The following GLRA1 variants were observed in gnomAD, a reference collection of about 807,000 sequenced individuals.
GLRA1 encodes glycine receptor alpha 1, also known as glycine receptor subunit alpha-1.
GLRA1 carries 37 observed loss-of-function variants against 48.3 expected under a neutral mutation model. That is an observed-to-expected ratio of 0.77 (90% confidence interval 0.59 to 1.01). The LOEUF is 1.01. Ranked by LOEUF, GLRA1 falls within the 50% of genes least tolerant of loss-of-function variation. The probability of loss-of-function intolerance (pLI) is 0.00; values close to 1 mark genes in which losing one functional copy is unlikely to be tolerated. For missense variants in GLRA1, 427 were observed against 571.0 expected (o/e 0.75, Z 2.57); for synonymous variants, 196 against 210.7 (o/e 0.93, Z 0.60).
intron 3 of GLRA1, among the ~76,000 whole-genome samples, chr5:151,881,830 G>T (rs1753771706): frequency 6.6e-6 from 1 of 152,156 alleles, no homozygotes; most frequent in Non-Finnish European, 1.5e-5. Flanking sequence ...GCCAGGTCCT[G>T]GGAGGTAGGC....
At chr5:151,890,328 C>A (rs1754031684) in intron 2 of GLRA1, among the ~76,000 whole-genome samples, 1 of 152,130 alleles carries the variant, frequency 6.6e-6, no homozygotes, top group Non-Finnish European at 1.5e-5. Flanking sequence ...CACATAAACC[C>A]TGGATGCACC....
intron 1 of GLRA1, among the ~76,000 whole-genome samples, chr5:151,914,353 T>G (rs1754688428): frequency 6.6e-6 from 1 of 152,200 alleles, no homozygotes; most frequent in Non-Finnish European, 1.5e-5. Context: ...TGTGGTTTTC[T>G]GGCTTAGAGA....
intron 2 of GLRA1, among the ~76,000 whole-genome samples, chr5:151,888,390 C>A (rs1466000057): frequency 6.6e-6 from 1 of 152,180 alleles, no homozygotes; most frequent in Non-Finnish European, 1.5e-5. Flanking sequence ...CTCGGCCATG[C>A]CTTTTCTCTG....
At chr5:151,882,459 A>G (rs2113398953) in intron 3 of GLRA1, among the ~76,000 whole-genome samples, 1 of 152,354 alleles carries the variant, frequency 6.6e-6, no homozygotes, top group East Asian at 1.9e-4. Context: ...TCTTGTTATT[A>G]TACTAATAGC....
intron 1 of GLRA1, among the ~76,000 whole-genome samples, chr5:151,920,900 A>G (rs529832704): frequency 6.6e-6 from 1 of 152,328 alleles, no homozygotes; most frequent in South Asian, 2.1e-4. Flanking sequence ...GAGAAGCCAC[A>G]GGGGCCACCT....
At chr5:151,859,244 CA>C (rs1753129665) in intron 4 of GLRA1, among the ~76,000 whole-genome samples, 1 of 152,120 alleles carries the variant, frequency 6.6e-6, no homozygotes, top group Admixed American at 6.6e-5. Context: ...GGAGGGGTGG[CA>C]GTAGACTCTG....
intron 4 of GLRA1, among the ~76,000 whole-genome samples, chr5:151,858,775 A>G (rs1319923982): frequency 2.1e-5 from 1 of 48,332 alleles, no homozygotes; most frequent in African/African-American, 1.1e-4. Context: ...ACCCAAAGGA[A>G]AAAAAAAACG....
At chr5:151,912,379 C>G (rs979101944) in intron 1 of GLRA1, among the ~76,000 whole-genome samples, 3 of 147,128 alleles carry the variant, frequency 2.0e-5, no homozygotes, top group African/African-American at 7.5e-5. Context: ...TTTTCCTTGT[C>G]TTATGGAAGG....
chr5:151,871,868 G>C (rs1753495946), intron 3 of GLRA1, among the ~76,000 whole-genome samples: 1 of 149,810 alleles, frequency 6.7e-6, no homozygotes. Context: ...CCGGCCGTGA[G>C]ACGATTTTTA....
At chr5:151,915,955 C>T (rs1168054707) in intron 1 of GLRA1, among the ~76,000 whole-genome samples, 2 of 152,130 alleles carry the variant, frequency 1.3e-5, no homozygotes, top group Non-Finnish European at 2.9e-5. Context: ...GAAAAATTTC[C>T]AGCTCTTTTT....
At chr5:151,919,955 G>A (rs1416968746) in intron 1 of GLRA1, among the ~76,000 whole-genome samples, 2 of 152,238 alleles carry the variant, frequency 1.3e-5, no homozygotes, top group Non-Finnish European at 2.9e-5. Context: ...GTCGCAGGAC[G>A]CGCGAACAGG....
intron 8 of GLRA1, 26 bp from the exon 9 acceptor site, chr5:151,822,989 TAC>T: frequency 6.4e-7 from 1 of 1,568,568 alleles, no homozygotes; most frequent in Non-Finnish European, 8.6e-7. Context: ...CATGGGGCTC[TAC>T]TTAAAATAAG....
intron 1 of GLRA1, among the ~76,000 whole-genome samples, chr5:151,902,796 A>T (rs1249134220): frequency 1.3e-5 from 2 of 152,194 alleles, no homozygotes; most frequent in Non-Finnish European, 2.9e-5. Flanking sequence ...TTAATCCTCA[A>T]AATAACCCTT....
In GLRA1 at chr5:151,851,455, G is replaced by A; in HGVS notation, c.847C>T (p.Leu283=). The part of the protein sequence containing the change: ...NMDAAPARVG[L]GITTVLTMTT... ...ATGGTGAGCACAGTGGTGATGCCTA[G>A]GCCCACACGAGCAGGTGCAGCATCC... The change falls in exon 7 of 9, where the codon CTA becomes TTA. Residue 283 remains leucine, a synonymous_variant. Transcript: ENST00000274576. The A allele has an allele frequency of 6.2e-7, 1 of 1,614,042 alleles. No individual in the cohort carries two copies. Among genetic ancestry groups the A allele is most frequent in the Non-Finnish European group, 8.5e-7 (1 of 1,179,958 alleles).
At chr5:151,890,890 G>T (rs1415545217) in intron 2 of GLRA1, among the ~76,000 whole-genome samples, 1 of 150,306 alleles carries the variant, frequency 6.7e-6, no homozygotes, top group Non-Finnish European at 1.5e-5. Context: ...CAAGGTGCAG[G>T]GGGAGTGAAG....
intron 5 of GLRA1, 124 bp from the exon 6 acceptor site, chr5:151,855,301 G>C: frequency 9.4e-6 from 9 of 956,438 alleles, no homozygotes; most frequent in Non-Finnish European, 1.3e-5. Flanking sequence ...GTGAGACCAG[G>C]TTCCTTTTTT....
intron 1 of GLRA1, among the ~76,000 whole-genome samples, chr5:151,910,927 G>C (rs1203560721): frequency 6.6e-6 from 1 of 152,190 alleles, no homozygotes; most frequent in Non-Finnish European, 1.5e-5. Flanking sequence ...CCATGACTCT[G>C]TTCCTCAATG....
At chr5:151,827,033 T>TG (rs1763291134) in intron 8 of GLRA1, among the ~76,000 whole-genome samples, 1 of 147,232 alleles carries the variant, frequency 6.8e-6, no homozygotes. Context: ...CTTTCTGTTT[T>TG]TTTTTTTTTT....
At chr5:151,835,469 C>A (rs1216350040) in intron 7 of GLRA1, among the ~76,000 whole-genome samples, 3 of 152,184 alleles carry the variant, frequency 2.0e-5, no homozygotes, top group Non-Finnish European at 4.4e-5. Flanking sequence ...ATGAGGCCAA[C>A]ATCATCCTGA....
Sources: gnomAD v4.1 joint callset for allele counts (sites outside exome capture counted in the v4.1 genomes callset) on GRCh38, gnomAD v4.1.1 for gene constraint, MANE v1.5 for transcripts, NCBI Gene and HGNC (gene_info 2026-07-23, HGNC 2026-07-21) for gene names.